Variants in L3MBTL2 observed in about 807,000 individuals in gnomAD.
L3MBTL2 encodes lethal(3)malignant brain tumor-like protein 2.
A neutral mutation model predicts 86.4 loss-of-function variants in L3MBTL2; 49 were observed. The ratio of observed to expected loss-of-function variants is 0.57; its 90% CI spans 0.45 to 0.72. The LOEUF (loss-of-function observed/expected upper bound fraction) is 0.72, where lower values mean the gene tolerates loss of function less well. L3MBTL2 is among the 30% of genes least tolerant of loss of function. The pLI is 0.00. For synonymous variants in L3MBTL2, 336 were observed against 350.6 expected (o/e 0.96, Z 0.47); for missense variants, 755 against 923.7 (o/e 0.82, Z 2.37).
chr22:41,229,078 C>A (rs1221033609), intron 15 of L3MBTL2, among the ~76,000 whole-genome samples: 1 of 151,786 alleles, frequency 6.6e-6, no homozygotes, highest in South Asian at 2.1e-4. Context: ...GGCAACATAG[C>A]GAGACCCCTA....
chr22:41,213,765 T>C (rs1415858329), intron 2 of L3MBTL2, 128 bp from the exon 3 acceptor site: 2 of 969,020 alleles, frequency 2.1e-6, no homozygotes, highest in Non-Finnish European at 3.2e-6. Flanking sequence ...CTCCTCTTAT[T>C]CCATTAGCCT....
chr22:41,221,494 ACT>A (rs2031816085), intron 8 of L3MBTL2: 1 of 568,690 alleles, frequency 1.8e-6, no homozygotes, highest in Non-Finnish European at 3.2e-6. Context: ...CCCCACCCAG[ACT>A]CTGCTCCTAC....
At chr22:41,223,905 C>A in intron 8 of L3MBTL2, 115 bp from the exon 9 acceptor site, 2 of 811,070 alleles carry the variant, frequency 2.5e-6, no homozygotes, top group African/African-American at 1.7e-5. Context: ...CACCTCCCGA[C>A]TGACTGAGTG....
intron 16 of L3MBTL2, 134 bp downstream of exon 16, chr22:41,229,790 G>A: frequency 2.1e-6 from 3 of 1,447,118 alleles, no homozygotes; most frequent in Non-Finnish European, 2.9e-6. Context: ...AAGCAGTCCT[G>A]TACCACTGGA....
chr22:41,221,068 T>A, intron 7 of L3MBTL2, 131 bp from the exon 8 acceptor site: 1 of 969,036 alleles, frequency 1.0e-6, no homozygotes, highest in Non-Finnish European at 1.5e-6. Context: ...GATGAAGTCA[T>A]TGCTGGCCTG....
chr22:41,212,363 C>T (rs568105517), intron 2 of L3MBTL2, among the ~76,000 whole-genome samples: 3 of 150,296 alleles, frequency 2.0e-5, no homozygotes. Flanking sequence ...AGTATCCCGT[C>T]ACAGACCAAT....
At position 41,230,158 on chromosome 22, in the gene L3MBTL2, G is replaced by A. The variant is rs1266575738; in HGVS notation, c.2025G>A (p.Lys675=). 6.5e-7 allele frequency: 1 copy of A among 1,549,748 alleles called. No homozygotes were observed. The highest frequency in any genetic ancestry group is 1.4e-5 in the African/African-American group (1 of 71,686). Residue 675 remains lysine (K), a synonymous_variant, in exon 17 of 17, where the codon AAG becomes AAA. Coordinates refer to ENST00000216237, the MANE Select transcript of L3MBTL2 (RefSeq NM_031488.5). ...CTTCAGTCATTGCTGTGCGTGTGAA[G>A]GAAGAGCATCTAGACGTGGCCTCGC... The part of the protein sequence containing the change: ...VPGEIIAVRV[K]EEHLDVASPD...
chr22:41,227,683 T>C lies in L3MBTL2; in HGVS notation c.1823-121T>C. The stretch of plus-strand genomic sequence containing the variant: ...CCGCCCTCTCCTCATTGCCCAGGTT[T>C]GGCTTCCTGTCTTGGGGTGTCTCGT... On this transcript the variant is annotated intron_variant, in intron 14 of 16. Coordinates refer to ENST00000216237, the MANE Select transcript of L3MBTL2 (RefSeq NM_031488.5). The surrounding 1 kb of genome is among the most constrained non-coding windows in gnomAD (Gnocchi z 6.0). 1 of 1,584,994 alleles carries C rather than the reference T, an allele frequency of 6.3e-7. No homozygotes were observed. Among genetic ancestry groups the C allele is most frequent in the Non-Finnish European group, 8.6e-7 (1 of 1,164,908 alleles).
chr22:41,224,215 T>A lies in L3MBTL2; in HGVS notation c.1138T>A (p.Trp380Arg). Residue 380 changes from tryptophan to arginine, a missense_variant, in exon 9 of 17, where the codon TGG becomes AGG. Around this residue, in one of 3 missense-constraint regions of L3MBTL2, gnomAD observed 634 missense variants for 748.9 expected, o/e 0.85. Coordinates refer to ENST00000216237, the MANE Select transcript of L3MBTL2 (RefSeq NM_031488.5). The surrounding 1 kb of genome is among the most constrained non-coding windows in gnomAD (Gnocchi z 4.9). ...GAGCCCCCTGATCCACCCAGTGGGT[T>A]GGTCACGACGTGTGGGCCACGGCAT... ...MWSPLIHPVG[W>R]SRRVGHGIKM... is the part of the protein sequence containing the mutation. 6.2e-7 allele frequency: 1 copy of A among 1,613,696 alleles called. No homozygotes were observed. Among genetic ancestry groups the A allele is most frequent in the Non-Finnish European group, 8.5e-7 (1 of 1,179,788 alleles).
intron 2 of L3MBTL2, among the ~76,000 whole-genome samples, chr22:41,210,496 AT>A (rs1214409377): frequency 6.6e-6 from 1 of 152,092 alleles, no homozygotes; most frequent in African/African-American, 2.4e-5. Flanking sequence ...CGCCCGGCTA[AT>A]TTTTTGTATT....
At chr22:41,221,328 T>C in intron 8 of L3MBTL2, 41 bp downstream of exon 8, 1 of 1,497,036 alleles carries the variant, frequency 6.7e-7, no homozygotes, top group Non-Finnish European at 9.1e-7. Context: ...CCTTCCGCTC[T>C]TCCATTTTTC....
chr22:41,227,171 C>T lies in L3MBTL2; in HGVS notation c.1670C>T (p.Thr557Met), dbSNP rs781625142. Residue 557 changes from threonine (T) to methionine (M), a missense_variant, in exon 14 of 17, where the codon ACG becomes ATG. Thr to Met is a moderately conservative substitution (Grantham distance 81). Coordinates refer to ENST00000216237, the MANE Select transcript of L3MBTL2 (RefSeq NM_031488.5). The surrounding 1 kb of genome is among the most constrained non-coding windows in gnomAD (Gnocchi z 6.0). ...GAGCCCCGGCTCATCTGTGTGGCCA[C>T]GGTGAAACGAGTGGTGCATCGGCTC... is the stretch of plus-strand genomic sequence containing the variant. ...LMEPRLICVA[T>M]VKRVVHRLLS... The T allele has an allele frequency of 6.8e-6, 11 of 1,613,746 alleles. No individual in the cohort carries two copies. The highest frequency in any genetic ancestry group is 2.2e-5 in the East Asian group (1 of 44,890).
chr22:41,227,762 G>C lies in L3MBTL2; in HGVS notation c.1823-42G>C. 1.2e-6 allele frequency: 2 copies of C among 1,613,142 alleles called. No homozygotes were observed. Among genetic ancestry groups the C allele is most frequent in the Non-Finnish European group, 1.7e-6 (2 of 1,179,558 alleles). ...CGCCTGTGCCCTGTGTCCTCCCAGGGACCCTCTTCTCATCTCTTTCACCCT... is the reference window on the plus strand; with the variant it reads ...CGCCTGTGCCCTGTGTCCTCCCAGGCACCCTCTTCTCATCTCTTTCACCCT... On this transcript the variant is annotated intron_variant, in intron 14 of 16. Coordinates refer to ENST00000216237, the MANE Select transcript of L3MBTL2 (RefSeq NM_031488.5). This position sits in a 1 kb window ranked among gnomAD's most constrained non-coding sequence, Gnocchi z 6.0.
chr22:41,213,426 G>A (rs139447), intron 2 of L3MBTL2, among the ~76,000 whole-genome samples: 62,238 of 149,362 alleles, frequency 0.42, 13,687 homozygotes, highest in African/African-American at 0.56. Context: ...CCTGGGCTCA[G>A]GCAGTTTCCC....
Position 41,216,268 on chromosome 22 carries a change from A to G in L3MBTL2, c.520+6A>G, listed in dbSNP as rs1569141992. The stretch of plus-strand genomic sequence containing the variant: ...GACACCAACAGGACAAGACGGTAAG[A>G]TAGCAGAGGGCCCTGCTTAGGAAGC... On this transcript the variant is annotated splice_donor_region_variant and intron_variant, in intron 4 of 16. Coordinates refer to ENST00000216237, the MANE Select transcript of L3MBTL2 (RefSeq NM_031488.5). 6.2e-7 allele frequency: 1 copy of G among 1,612,362 alleles called. No homozygotes were observed. The highest frequency in any genetic ancestry group is 8.5e-7 in the Non-Finnish European group (1 of 1,178,598).
rs2032303736 is a variant in L3MBTL2, at chr22:41,227,910, G to C, written c.1888+41G>C. ...GTGCAGCCAGGCTGGTGTGGGCCTG[G>C]GAGCAGTGGGCCTGCGTCCCTGGGA... On this transcript the variant is annotated intron_variant, in intron 15 of 16. Transcript: ENST00000216237. The surrounding 1 kb of genome is among the most constrained non-coding windows in gnomAD (Gnocchi z 6.0). 1.2e-6 allele frequency: 2 copies of C among 1,604,774 alleles called. No homozygotes were observed. The highest frequency in any genetic ancestry group is 2.7e-5 in the African/African-American group (2 of 74,816).
At position 41,229,603 on chromosome 22, in the gene L3MBTL2, A is replaced by T; in HGVS notation, c.1952A>T (p.Glu651Val). Residue 651 changes from glutamate to valine, a missense_variant, in exon 16 of 17, where the codon GAG becomes GTG. Physicochemically the swap from Glu to Val is moderately radical, Grantham distance 121 (BLOSUM62 -2). This residue lies in a region of L3MBTL2 where 634 missense variants were observed against 748.9 expected (regional missense o/e 0.85). Coordinates refer to ENST00000216237, the MANE Select transcript of L3MBTL2 (RefSeq NM_031488.5). ...CAGGGGTCCAAGAAGCCCCTGCTGG[A>T]GGACGACCCTCAGGGTGCCAGGAAG... ...LRQGSKKPLL[E>V]DDPQGARKIS... 6.2e-7 allele frequency: 1 copy of T among 1,613,846 alleles called. No individual in the cohort carries two copies. Among genetic ancestry groups the T allele is most frequent in the Non-Finnish European group, 8.5e-7 (1 of 1,179,830 alleles).
At chr22:41,213,731 T>C in intron 2 of L3MBTL2, 162 bp from the exon 3 acceptor site, 2 of 733,438 alleles carry the variant, frequency 2.7e-6, no homozygotes, top group South Asian at 3.6e-5. Context: ...AGATTCAGGA[T>C]ATACACACCA....
At chr22:41,226,576 A>C in intron 12 of L3MBTL2, 86 bp from the exon 13 acceptor site, 6 of 950,778 alleles carry the variant, frequency 6.3e-6, no homozygotes, top group Non-Finnish European at 8.6e-6. Flanking sequence ...ACCAAGCTGC[A>C]GAGCTTCTTC....
Sources: gnomAD v4.1 joint callset for allele counts (sites outside exome capture counted in the v4.1 genomes callset) on GRCh38, gnomAD v4.1.1 for gene constraint, gnomAD v4.1.1 regional missense constraint, Gnocchi (gnomAD v3.1) non-coding constraint, MANE v1.5 for transcripts, NCBI Gene and HGNC (gene_info 2026-07-23, HGNC 2026-07-21) for gene names.